The following COL4A2 variants were observed in gnomAD, a reference collection of about 807,000 sequenced individuals.
COL4A2 encodes the protein collagen type IV alpha 2 chain, also known as collagen alpha-2(IV) chain.
In COL4A2, 99 loss-of-function variants were observed where a neutral mutation model predicts 200.2. That is an observed-to-expected ratio of 0.49 (90% CI 0.42 to 0.58). The LOEUF (loss-of-function observed/expected upper bound fraction) is 0.58, where lower values mean the gene tolerates loss of function less well. Among genes scored for constraint, COL4A2 ranks in the 20% least tolerant of loss-of-function variants. The pLI is 0.00. For missense variants in COL4A2, 1,950 were observed against 2,314.1 expected, an observed-to-expected ratio of 0.84 and a Z score of 3.23; for synonymous variants, 897 against 900.6, an observed-to-expected ratio of 1.00 and a Z score of 0.07.
chr13:110,427,935 G>A (rs116010479), intron 6 of COL4A2, among the ~76,000 whole-genome samples: 2,209 of 152,334 alleles, frequency 0.015, 52 homozygotes, highest in African/African-American at 0.051. Flanking sequence ...TGTCTTCTCT[G>A]TTTAGGATGT....
chr13:110,470,180 T>G (rs1171528689), intron 28 of COL4A2, among the ~76,000 whole-genome samples: 7 of 152,094 alleles, frequency 4.6e-5, no homozygotes, highest in Admixed American at 1.3e-4. Context: ...CCTGCCAAAG[T>G]GCTGGGATGA....
intron 20 of COL4A2, among the ~76,000 whole-genome samples, chr13:110,455,153 G>A (rs554383174): frequency 1.1e-4 from 16 of 152,190 alleles, no homozygotes; most frequent in African/African-American, 1.7e-4. Flanking sequence ...TCGTCCACAC[G>A]GCAGACTCAC....
At chr13:110,363,168 G>A (rs1877590126) in intron 4 of COL4A2, among the ~76,000 whole-genome samples, 2 of 152,186 alleles carry the variant, frequency 1.3e-5, no homozygotes, top group Non-Finnish European at 2.9e-5. Flanking sequence ...AGTGAGTGGA[G>A]GCCTCTGCAT....
intron 4 of COL4A2, among the ~76,000 whole-genome samples, chr13:110,422,916 C>A (rs976590133): frequency 6.6e-6 from 1 of 152,220 alleles, no homozygotes; most frequent in African/African-American, 2.4e-5. Flanking sequence ...TTCACTTCAA[C>A]TGTGTGGATT....
intron 18 of COL4A2, among the ~76,000 whole-genome samples, chr13:110,448,817 C>G (rs1330120030): frequency 1.3e-5 from 2 of 152,112 alleles, no homozygotes; most frequent in Non-Finnish European, 2.9e-5. Context: ...TCTGGGTGAC[C>G]CTGTGAGGTG....
At chr13:110,402,767 C>T (rs1442555094) in intron 4 of COL4A2, among the ~76,000 whole-genome samples, 2 of 152,254 alleles carry the variant, frequency 1.3e-5, no homozygotes, top group Non-Finnish European at 2.9e-5. Context: ...TGTTGTTGGC[C>T]CTGCTCCTGT....
intron 28 of COL4A2, among the ~76,000 whole-genome samples, chr13:110,471,439 C>T (rs1882462729): frequency 6.6e-6 from 1 of 152,224 alleles, no homozygotes; most frequent in Non-Finnish European, 1.5e-5. Context: ...CTGAAATATA[C>T]TGCCCTTCTG....
intron 27 of COL4A2, 71 bp downstream of exon 27, chr13:110,467,167 G>A (rs112808763): frequency 4.1e-5 from 65 of 1,587,904 alleles, no homozygotes; most frequent in Middle Eastern, 1.8e-4. Flanking sequence ...TGTCTCCCCC[G>A]CCCATCTTTC....
intron 3 of COL4A2, among the ~76,000 whole-genome samples, chr13:110,329,444 C>T (rs1038325867): frequency 4.6e-5 from 7 of 152,196 alleles, no homozygotes; most frequent in African/African-American, 7.2e-5. Flanking sequence ...AGTGGTCCCT[C>T]CGTACCACAG....
At chr13:110,400,544 A>G (rs946964236) in intron 4 of COL4A2, among the ~76,000 whole-genome samples, 1 of 152,256 alleles carries the variant, frequency 6.6e-6, no homozygotes. Flanking sequence ...CCTTGAATCT[A>G]TCCCCATTTA....
chr13:110,489,595 G>T, intron 35 of COL4A2, 87 bp downstream of exon 35: 1 of 1,588,184 alleles, frequency 6.3e-7, no homozygotes, highest in Non-Finnish European at 8.6e-7. Flanking sequence ...TGCAAGTGCT[G>T]TTAGGTATTT....
At chr13:110,386,826 A>G (rs914599617) in intron 4 of COL4A2, among the ~76,000 whole-genome samples, 1 of 152,158 alleles carries the variant, frequency 6.6e-6, no homozygotes, top group African/African-American at 2.4e-5. Flanking sequence ...CTGATTGTGA[A>G]AGGACGTGCG....
chr13:110,480,521 C>G, intron 31 of COL4A2, 131 bp downstream of exon 31: 1 of 949,368 alleles, frequency 1.1e-6, no homozygotes, highest in Admixed American at 3.0e-5. Flanking sequence ...GATTGGAGGC[C>G]TTGGGACTCT....
chr13:110,415,769 CT>C (rs1566520923), intron 4 of COL4A2, among the ~76,000 whole-genome samples: 1 of 152,256 alleles, frequency 6.6e-6, no homozygotes, highest in African/African-American at 2.4e-5. Flanking sequence ...GGGAGCCCGC[CT>C]TTGGAAGGCC....
At chr13:110,351,610 T>C (rs903372854) in intron 3 of COL4A2, among the ~76,000 whole-genome samples, 10 of 152,250 alleles carry the variant, frequency 6.6e-5, no homozygotes, top group African/African-American at 2.4e-4. Context: ...TCCACAACAC[T>C]AAAGATGTCA....
rs1252151338 is a variant in COL4A2 at position 110,458,871 on chromosome 13, G to A, written c.1533G>A (p.Pro511=). 12 of 1,612,088 alleles carry A rather than the reference G, an allele frequency of 7.4e-6. No homozygotes were observed. The highest frequency in any genetic ancestry group is 5.0e-5 in the Admixed American group (3 of 59,844). ...PKGFAGINGE[P]GRKGDRGDPG... is the part of the protein sequence containing the mutation. ...GCTTCGCAGGCATCAACGGGGAGCC[G>A]GGGAGGAAAGGGGACAGAGGAGACC... The change falls in exon 22 of 48, where the codon CCG becomes CCA. Residue 511 remains proline (P), a synonymous_variant. Transcript: ENST00000360467.
chr13:110,385,608 TAGGCCGTGGC>T (rs1878684171), intron 4 of COL4A2, among the ~76,000 whole-genome samples: 1 of 147,984 alleles, frequency 6.8e-6, no homozygotes, highest in Non-Finnish European at 1.5e-5. Flanking sequence ...AGTGTGTGGA[TAGGCCGTGGC>T]TACAGTGTGT....
At chr13:110,434,518 A>C (rs1196006474) in intron 12 of COL4A2, 76 bp downstream of exon 12, 19 of 1,459,632 alleles carry the variant, frequency 1.3e-5, no homozygotes, top group Non-Finnish European at 1.7e-5. Flanking sequence ...TTAATTACTA[A>C]GTTCTGTGCT....
rs1566559666 is a variant in COL4A2, at chr13:110,481,757, CAGTTCTGTCCCTCCAT to C, written c.2759-758_2759-743del. Among the ~76,000 whole-genome samples the C allele has an allele frequency of 1.1e-4, 3 of 27,776 alleles. 1 individual carries two copies. The highest frequency in any genetic ancestry group is 1.5e-4 in the Non-Finnish European group (2 of 13,234). 18.2% of individuals were successfully genotyped at this position (27,776 alleles called of 152,430 possible). ...CTGTCCCTCCGTTGCTGGAGACACA[CAGTTCTGTCCCTCCAT>C]TGCTGGAGACACACTGCTCTGTCCC... On this transcript the variant is annotated intron_variant, in intron 31 of 47. Transcript: ENST00000360467.
Sources: gnomAD v4.1 joint callset for allele counts (sites outside exome capture counted in the v4.1 genomes callset) on GRCh38, gnomAD v4.1.1 for gene constraint, MANE v1.5 for transcripts, NCBI Gene and HGNC (gene_info 2026-07-23, HGNC 2026-07-21) for gene names.